Variants in MEIS1 observed in about 807,000 individuals in gnomAD.
MEIS1 encodes the protein homeobox protein Meis1.
A neutral mutation model predicts 50.8 loss-of-function variants in MEIS1; 5 were observed. The ratio of observed to expected loss-of-function variants is 0.10; its 90% CI spans 0.05 to 0.21. The LOEUF is 0.21. MEIS1 is among the 10% of genes least tolerant of loss of function. The probability of loss-of-function intolerance (pLI) is 1.00; values close to 1 mark genes in which losing one functional copy is unlikely to be tolerated. For missense variants in MEIS1, 318 were observed against 517.3 expected (o/e 0.61, Z 3.74); for synonymous variants, 176 against 179.3 (o/e 0.98, Z 0.15).
At chr2:66,479,979 T>G in intron 7 of MEIS1, among the ~76,000 whole-genome samples, 1 of 152,220 alleles carries the variant, frequency 6.6e-6, no homozygotes, top group East Asian at 1.9e-4. Flanking sequence ...AGTGTAGTGA[T>G]GGCTGAATTG....
intron 8 of MEIS1, among the ~76,000 whole-genome samples, chr2:66,529,481 A>T (rs1268294160): frequency 6.6e-6 from 1 of 152,138 alleles, no homozygotes; most frequent in African/African-American, 2.4e-5. Context: ...CTGTTGCCCA[A>T]CCTGGAGTGC....
intron 6 of MEIS1, among the ~76,000 whole-genome samples, chr2:66,446,768 C>T (rs557734590): frequency 1.3e-5 from 2 of 152,316 alleles, no homozygotes; most frequent in African/African-American, 4.8e-5. Context: ...CAAGTGCTGC[C>T]GAGCTCCCGG....
intron 8 of MEIS1, among the ~76,000 whole-genome samples, chr2:66,520,789 C>T (rs1674098424): frequency 6.6e-6 from 1 of 152,086 alleles, no homozygotes; most frequent in African/African-American, 2.4e-5. Flanking sequence ...GGCAGCATGA[C>T]AAAAATGAAA....
chr2:66,443,971 A>G (rs1345445748), intron 6 of MEIS1, among the ~76,000 whole-genome samples: 1 of 151,882 alleles, frequency 6.6e-6, no homozygotes, highest in Non-Finnish European at 1.5e-5. Flanking sequence ...TCTCTCTGTC[A>G]CCCCAACACC....
chr2:66,525,499 T>C (rs527374116), intron 8 of MEIS1, among the ~76,000 whole-genome samples: 1 of 152,238 alleles, frequency 6.6e-6, no homozygotes, highest in African/African-American at 2.4e-5. Context: ...TTTGCCCCCC[T>C]GATTTTGAAG....
chr2:66,444,799 G>A (rs1672089202), intron 6 of MEIS1, among the ~76,000 whole-genome samples: 2 of 152,230 alleles, frequency 1.3e-5, no homozygotes, highest in South Asian at 4.1e-4. Context: ...ACTGGAAAAT[G>A]GGATTCTAAA....
chr2:66,473,059 A>C (rs1672799398), intron 7 of MEIS1, among the ~76,000 whole-genome samples: 1 of 152,086 alleles, frequency 6.6e-6, no homozygotes, highest in African/African-American at 2.4e-5. Context: ...CAATCTTCTA[A>C]ATATTTTTTA....
At chr2:66,549,198 C>T (rs921836037) in intron 9 of MEIS1, among the ~76,000 whole-genome samples, 2 of 151,966 alleles carry the variant, frequency 1.3e-5, no homozygotes, top group South Asian at 2.1e-4. Flanking sequence ...ATATATTTGC[C>T]TTTGGAGGAT....
chr2:66,448,045 A>G (rs1672193666), intron 6 of MEIS1, among the ~76,000 whole-genome samples: 1 of 152,166 alleles, frequency 6.6e-6, no homozygotes. Flanking sequence ...ATTCTGAAAT[A>G]TATAGAGTAG....
chr2:66,547,907 G>A (rs527706257), intron 8 of MEIS1, 36 bp from the exon 9 acceptor site: 1 of 1,606,430 alleles, frequency 6.2e-7, no homozygotes, highest in African/African-American at 1.3e-5. Flanking sequence ...GCTAAATATT[G>A]CCTGATGCAC....
At chr2:66,469,989 A>T (rs989589714) in intron 7 of MEIS1, among the ~76,000 whole-genome samples, 5 of 152,100 alleles carry the variant, frequency 3.3e-5, no homozygotes, top group Non-Finnish European at 7.4e-5. Flanking sequence ...ATAACCTAAG[A>T]ACCTTGAAAA....
At chr2:66,495,985 G>C (rs951332097) in intron 7 of MEIS1, 1 of 152,392 alleles carries the variant, frequency 6.6e-6, no homozygotes, top group Non-Finnish European at 1.5e-5. Context: ...GGTATTCGGA[G>C]ATCTGTTTGG....
At chr2:66,438,043 C>CA in intron 2 of MEIS1, 80 bp downstream of exon 2, 1 of 1,258,480 alleles carries the variant, frequency 7.9e-7, no homozygotes, top group Middle Eastern at 1.9e-4. Context: ...AGAGGAAAGT[C>CA]AGAGTTCTCT....
At chr2:66,464,302 T>C (rs1672586488) in intron 7 of MEIS1, 82 bp downstream of exon 7, 10 of 1,113,554 alleles carry the variant, frequency 9.0e-6, no homozygotes, top group Admixed American at 2.0e-5. Context: ...AGTTACTAAG[T>C]ATACAGTTTT....
chr2:66,466,100 A>T (rs975848333), intron 7 of MEIS1, among the ~76,000 whole-genome samples: 6 of 152,248 alleles, frequency 3.9e-5, no homozygotes, highest in African/African-American at 1.4e-4. Flanking sequence ...TTTAAAAACA[A>T]TCCTGGGTAG....
At chr2:66,472,821 A>G (rs1047343604) in intron 7 of MEIS1, among the ~76,000 whole-genome samples, 1 of 152,136 alleles carries the variant, frequency 6.6e-6, no homozygotes, top group African/African-American at 2.4e-5. Flanking sequence ...TGAGCCAGCC[A>G]GTGCCTCTGC....
At chr2:66,533,535 C>T (rs1224318349) in intron 8 of MEIS1, among the ~76,000 whole-genome samples, 1 of 152,124 alleles carries the variant, frequency 6.6e-6, no homozygotes, top group Non-Finnish European at 1.5e-5. Flanking sequence ...TTTTTTAACA[C>T]TCTTTAAGTT....
intron 8 of MEIS1, among the ~76,000 whole-genome samples, chr2:66,514,954 G>T (rs988270807): frequency 6.6e-6 from 1 of 152,094 alleles, no homozygotes; most frequent in Non-Finnish European, 1.5e-5. Flanking sequence ...AGAGAGTTTT[G>T]TTGTTGTTTG....
chr2:66,462,816 A>C (rs1357517926), intron 6 of MEIS1, among the ~76,000 whole-genome samples: 1 of 152,244 alleles, frequency 6.6e-6, no homozygotes, highest in Non-Finnish European at 1.5e-5. Context: ...GTCATATTAT[A>C]CATGAGTCAA....
Sources: gnomAD v4.1 joint callset for allele counts (sites outside exome capture counted in the v4.1 genomes callset) on GRCh38, gnomAD v4.1.1 for gene constraint, MANE v1.5 for transcripts, NCBI Gene and HGNC (gene_info 2026-07-23, HGNC 2026-07-21) for gene names.